TARBP1: variants seen among roughly 807,000 people sequenced by gnomAD.
TARBP1 encodes tRNA (guanosine(18)-2'-O)-methyltransferase TARBP1.
Under a neutral mutation model 178.6 loss-of-function variants are expected in TARBP1, and 144 were observed. The observed-to-expected ratio is 0.81, with a 90% confidence interval of 0.70 to 0.93. The LOEUF (loss-of-function observed/expected upper bound fraction) is 0.93, where lower values mean the gene tolerates loss of function less well. Ranked by LOEUF, TARBP1 falls within the 40% of genes least tolerant of loss-of-function variation. The pLI is 0.00. For missense variants in TARBP1, 2,067 were observed against 2,011.7 expected, an observed-to-expected ratio of 1.03 and a Z score of -0.53; for synonymous variants, 787 against 781.0, an observed-to-expected ratio of 1.01 and a Z score of -0.13.
chr1:234,429,729 G>A (rs779315155), intron 15 of TARBP1, 52 bp from the exon 16 acceptor site: 9 of 1,352,668 alleles, frequency 6.7e-6, no homozygotes, highest in East Asian at 5.4e-5. Flanking sequence ...TTGCCTCCAC[G>A]TCTTTTGCAC....
At chr1:234,398,212 A>T in intron 26 of TARBP1, 170 bp downstream of exon 26, 1 of 410,612 alleles carries the variant, frequency 2.4e-6, no homozygotes, top group Non-Finnish European at 4.1e-6. Context: ...TAAAAGTGTT[A>T]GTCAAAGTTA....
In TARBP1 at chr1:234,413,181, C is replaced by CA. The variant is rs551410401; in HGVS notation, c.3706-2651dup. On this transcript the variant is annotated intron_variant, in intron 22 of 29. Coordinates refer to ENST00000040877, the MANE Select transcript of TARBP1 (RefSeq NM_005646.4). ...TGGAAGTCCCAGCCCCAGCAGACAC[C>CA]ACAAGGAGCAAAACTGCCCAGCCAG... Among the ~76,000 whole-genome samples the CA allele has an allele frequency of 1.4e-4, 22 of 152,228 alleles. No individual in the cohort carries two copies. The South Asian group carries it at 4.1e-3, about 29-fold the overall frequency.
Position 234,478,458 on chromosome 1 carries a change from C to G in TARBP1, c.646G>C (p.Ala216Pro). The change falls in exon 1 of 30, where the codon GCG becomes CCG. Residue 216 changes from alanine (A) to proline (P), a missense_variant. Coordinates refer to ENST00000040877, the MANE Select transcript of TARBP1 (RefSeq NM_005646.4). The stretch of plus-strand genomic sequence containing the variant: ...CCGGACCCCAGGGACGCCCCAGGCG[C>G]GGCCAGCCCGCCCCACACGGCCCGC... Reference protein sequence around the residue: ...ALRAVWGGLAAPGASLGSGRV... With the variant: ...ALRAVWGGLAPPGASLGSGRV... 7.2e-7 allele frequency: 1 copy of G among 1,383,814 alleles called. No homozygotes were observed. Among genetic ancestry groups the G allele is most frequent in the African/African-American group, 1.5e-5 (1 of 65,964 alleles). 85.7% of individuals were successfully genotyped at this position (1,383,814 alleles called of 1,614,324 possible).
chr1:234,392,341 C>CAA lies in TARBP1; in HGVS notation c.4697+73_4697+74dup, dbSNP rs368216470. The CAA allele has an allele frequency of 4.9e-4, 747 of 1,521,698 alleles. 1 individual carries two copies. Among genetic ancestry groups the CAA allele is most frequent in the Middle Eastern group, 3.5e-3 (20 of 5,642 alleles). The allele number at this position is 1,521,698 out of a possible 1,614,324, so 94.3% of individuals were successfully genotyped here. On this transcript the variant is annotated intron_variant, in intron 29 of 29. Transcript: ENST00000040877. The stretch of plus-strand genomic sequence containing the variant: ...ACAGAGTGAGACTCCGTCTCAAAAA[C>CAA]AAAAAAAAACAAGGTAACATCTTCC...
intron 5 of TARBP1, among the ~76,000 whole-genome samples, chr1:234,465,243 G>C (rs768356616): frequency 2.6e-5 from 4 of 152,214 alleles, no homozygotes; most frequent in Non-Finnish European, 5.9e-5. Context: ...GGGTGAAAGG[G>C]AAATGAGAAT....
At chr1:234,451,766 A>AAAAAACAAAAAAACAAAAAAAC (rs57636903) in intron 9 of TARBP1, among the ~76,000 whole-genome samples, 1 of 17,166 alleles carries the variant, frequency 5.8e-5, no homozygotes, top group South Asian at 6.3e-3. Context: ...AAAAAAAAAA[A>AAAAAACAAAAAAACAAAAAAAC]TGATGAATGA....
chr1:234,468,350 G>C (rs575347385), intron 3 of TARBP1, among the ~76,000 whole-genome samples: 48 of 152,136 alleles, frequency 3.2e-4, no homozygotes, highest in Admixed American at 2.4e-3. Context: ...GCTACTGGTG[G>C]GGGAGGGACT....
chr1:234,394,410 G>T (rs1279750871), intron 26 of TARBP1, among the ~76,000 whole-genome samples: 1 of 152,224 alleles, frequency 6.6e-6, no homozygotes, highest in Non-Finnish European at 1.5e-5. Context: ...CATCTCTGTA[G>T]TACAGGACTG....
At position 234,451,504 on chromosome 1, in the gene TARBP1, T is replaced by C. The variant is rs1185704242; in HGVS notation, c.1723-938A>G. 2.9e-4 allele frequency among the ~76,000 whole-genome samples: 10 copies of C among 34,418 alleles called. 4 individuals carry two copies. Among genetic ancestry groups the C allele is most frequent in the African/African-American group, 6.0e-4 (2 of 3,330 alleles). 22.6% of individuals were successfully genotyped at this position (34,418 alleles called of 152,430 possible). On this transcript the variant is annotated intron_variant, in intron 9 of 29. Transcript: ENST00000040877. ...GGCTCACGCCTGTAATCCCAGCACT[T>C]TGGGAGGCCGAGGCGGGCGGATCAC...
chr1:234,391,854 G>C (rs1659403754), intron 29 of TARBP1, 109 bp from the exon 30 acceptor site: 12 of 1,148,308 alleles, frequency 1.0e-5, no homozygotes. Flanking sequence ...TTGATATTCT[G>C]AATGTTACTA....
At chr1:234,403,196 T>C (rs1308137139) in intron 24 of TARBP1, among the ~76,000 whole-genome samples, 1 of 152,212 alleles carries the variant, frequency 6.6e-6, no homozygotes, top group Non-Finnish European at 1.5e-5. Context: ...CCCTCCATCT[T>C]GGGACTGCTC....
chr1:234,478,567 A>G lies in TARBP1; in HGVS notation c.537T>C (p.Asp179=). 7.7e-7 allele frequency: 1 copy of G among 1,295,848 alleles called. No homozygotes were observed. Among genetic ancestry groups the G allele is most frequent in the Non-Finnish European group, 9.8e-7 (1 of 1,024,224 alleles). The allele number at this position is 1,295,848 out of a possible 1,614,324, so 80.3% of individuals were successfully genotyped here. The change falls in exon 1 of 30, where the codon GAT becomes GAC. Residue 179 remains aspartate, a synonymous_variant. Coordinates refer to ENST00000040877, the MANE Select transcript of TARBP1 (RefSeq NM_005646.4). ...CCGCGTCCTCGGCAGGCCCGGCCTC[A>G]TCCCCGTCCCCGCCCCCGCCCAGCG... ...ALALGGGGDG[D]EAGPAEDAAA...
rs1667422763 is a variant in TARBP1, at chr1:234,457,676, C to G, written c.1713G>C (p.Leu571Phe). ...TTATCTTTAATCTCACCTCTGTCCA[C>G]AATGAAGTTCCTCGTCCTAAGGATT... The part of the protein sequence containing the change: ...QEESLGRGTS[L>F]WTELCDWLRV... The change falls in exon 9 of 30, where the codon TTG becomes TTC. Residue 571 changes from leucine to phenylalanine, a missense_variant. Leu to Phe is a conservative substitution (Grantham distance 22). Transcript: ENST00000040877. 1.2e-6 allele frequency: 2 copies of G among 1,606,312 alleles called. No homozygotes were observed. Among genetic ancestry groups the G allele is most frequent in the Non-Finnish European group, 8.5e-7 (1 of 1,175,298 alleles).
intron 25 of TARBP1, among the ~76,000 whole-genome samples, chr1:234,400,513 C>T (rs570710238): frequency 2.0e-5 from 3 of 152,248 alleles, no homozygotes; most frequent in South Asian, 2.1e-4. Context: ...TGCACAGCAG[C>T]TTAAGTTACC....
intron 20 of TARBP1, among the ~76,000 whole-genome samples, chr1:234,424,726 G>A (rs561855539): frequency 6.6e-6 from 1 of 152,236 alleles, no homozygotes; most frequent in South Asian, 2.1e-4. Context: ...AGGAGTTCGA[G>A]ACCATTCTGA....
In TARBP1 at chr1:234,430,075, C is replaced by A; in HGVS notation, c.2609+12G>T. The A allele has an allele frequency of 1.2e-6, 2 of 1,601,108 alleles. No homozygotes were observed. The highest frequency in any genetic ancestry group is 1.7e-6 in the Non-Finnish European group (2 of 1,170,044). On this transcript the variant is annotated intron_variant, in intron 15 of 29. Transcript: ENST00000040877. ...ACAGAAATGGATTTTTAAGCCTTAA[C>A]CTTCCCTGTACCTGCTGCACTCCAA...
chr1:234,431,317 T>C (rs893129555), intron 14 of TARBP1, among the ~76,000 whole-genome samples: 1 of 152,242 alleles, frequency 6.6e-6, no homozygotes, highest in Admixed American at 6.5e-5. Flanking sequence ...CTAACCTTAA[T>C]GTAATTCAGT....
intron 13 of TARBP1, among the ~76,000 whole-genome samples, chr1:234,434,334 T>G (rs1320741261): frequency 6.6e-6 from 1 of 152,186 alleles, no homozygotes; most frequent in East Asian, 1.9e-4. Flanking sequence ...AGAAGAGGCC[T>G]CCTATGGCAC....
At position 234,401,205 on chromosome 1, in the gene TARBP1, G is replaced by A; in HGVS notation, c.4047C>T (p.His1349=). 1.2e-6 allele frequency: 2 copies of A among 1,613,390 alleles called. No individual in the cohort carries two copies. The highest frequency in any genetic ancestry group is 1.7e-6 in the Non-Finnish European group (2 of 1,179,636). ...CCTCTAGACAATAATCCTTGAGTGG[G>A]TGAAATGTTGCAAAAAAGAAATGCT... ...IQEHFFFATF[H]PLKDYCLETI... is the part of the protein sequence containing the mutation. The change falls in exon 25 of 30, where the codon CAC becomes CAT. Residue 1349 remains histidine, a synonymous_variant. Coordinates refer to ENST00000040877, the MANE Select transcript of TARBP1 (RefSeq NM_005646.4).
Sources: allele counts gnomAD v4.1 joint callset (sites outside exome capture counted in the v4.1 genomes callset), GRCh38; gene constraint gnomAD v4.1.1; transcripts MANE v1.5; gene names NCBI Gene and HGNC (gene_info 2026-07-23, HGNC 2026-07-21).